Variants in TAF3 observed in about 807,000 individuals in gnomAD.
The protein encoded by TAF3 is transcription initiation factor TFIID subunit 3.
In TAF3, 7 loss-of-function variants were observed where a neutral mutation model predicts 80.6. The ratio of observed to expected loss-of-function variants is 0.09; its 90% CI spans 0.05 to 0.16. The LOEUF is 0.16. Ranked by LOEUF, TAF3 falls within the 10% of genes least tolerant of loss-of-function variation. The probability of loss-of-function intolerance (pLI) is 1.00; values close to 1 mark genes in which losing one functional copy is unlikely to be tolerated. For missense variants in TAF3, 921 were observed against 1,140.2 expected (o/e 0.81, Z 2.77); for synonymous variants, 444 against 446.1 (o/e 1.00, Z 0.06).
Position 7,824,141 on chromosome 10 carries a change from T to C in TAF3, c.167-177T>C. Among the ~76,000 whole-genome samples, 2 of 152,240 alleles carry C rather than the reference T, an allele frequency of 1.3e-5. 1 individual carries two copies. ...TGATTATATTTAAACTTGACTTTAATAATCAGCTTAAACATGATTCTGTGA... is the reference window on the plus strand; with the variant it reads ...TGATTATATTTAAACTTGACTTTAACAATCAGCTTAAACATGATTCTGTGA... On this transcript the variant is annotated intron_variant, in intron 1 of 6. Transcript: ENST00000344293.
chr10:8,013,283 A>G (rs760011789), intron 5 of TAF3, among the ~76,000 whole-genome samples: 5 of 152,220 alleles, frequency 3.3e-5, no homozygotes, highest in African/African-American at 4.8e-5. Flanking sequence ...TTGGCTGTCT[A>G]TATTAATTCC....
chr10:8,000,336 C>T (rs1324306238), intron 4 of TAF3, among the ~76,000 whole-genome samples: 3 of 152,028 alleles, frequency 2.0e-5, no homozygotes, highest in East Asian at 2.0e-4. Context: ...AGGCTGGTCT[C>T]GAACTCCCAA....
rs181239932 is a variant in TAF3 at position 7,833,633 on chromosome 10, C to T, written c.409+9073C>T. 1.4e-3 allele frequency: 227 copies of T among 168,016 alleles called. 3 individuals carry two copies. The highest frequency in any genetic ancestry group is 2.9e-3 in the Middle Eastern group (1 of 344). 10.4% of individuals were successfully genotyped at this position (168,016 alleles called of 1,614,324 possible). A position where few individuals can be genotyped will look rare whatever the true frequency, so the allele number is the denominator to read the frequency against. ...GGCTTCAGTTTTTCTTTTCAACATC[C>T]TGTTCTGTAGCTTCCATGTCTCTTT... On this transcript the variant is annotated intron_variant, in intron 2 of 6. Transcript: ENST00000344293.
intron 2 of TAF3, among the ~76,000 whole-genome samples, chr10:7,950,708 G>C (rs188601438): frequency 1.3e-5 from 2 of 152,300 alleles, no homozygotes; most frequent in African/African-American, 4.8e-5. Context: ...AAATTCAGTC[G>C]CATGCGTTGC....
chr10:7,935,147 C>T (rs997855633), intron 2 of TAF3, among the ~76,000 whole-genome samples: 10 of 152,018 alleles, frequency 6.6e-5, no homozygotes, highest in East Asian at 1.9e-4. Flanking sequence ...CGTGCTGGTG[C>T]GCGCCTGTAA....
chr10:7,861,831 G>A (rs1215228620), intron 2 of TAF3, among the ~76,000 whole-genome samples: 3 of 151,836 alleles, frequency 2.0e-5, no homozygotes, highest in Non-Finnish European at 2.9e-5. Flanking sequence ...CTTCTTTAAT[G>A]TGTATTTATG....
Position 7,821,405 on chromosome 10 carries a change from C to A in TAF3, c.166+2530C>A, listed in dbSNP as rs1201704035. 2.0e-5 allele frequency among the ~76,000 whole-genome samples: 3 copies of A among 152,244 alleles called. No individual in the cohort carries two copies. The East Asian group carries it at 5.8e-4, about 29-fold the overall frequency. ...TTACTGAGCATCACTTACGAACCAA[C>A]CCCTGTACTAGGCATTGGAGACATA... On this transcript the variant is annotated intron_variant, in intron 1 of 6. Transcript: ENST00000344293.
chr10:7,849,247 G>T (rs1837002715), intron 2 of TAF3, among the ~76,000 whole-genome samples: 1 of 152,018 alleles, frequency 6.6e-6, no homozygotes, highest in Non-Finnish European at 1.5e-5. Context: ...GAAACTGGTA[G>T]ATCTAGGATT....
chr10:7,836,889 A>G (rs997515512), intron 2 of TAF3, among the ~76,000 whole-genome samples: 24 of 152,236 alleles, frequency 1.6e-4, no homozygotes, highest in African/African-American at 5.8e-4. Context: ...GCTTACAGTT[A>G]CCAAAAATAC....
chr10:7,847,209 A>T (rs1336360367), intron 2 of TAF3, among the ~76,000 whole-genome samples: 2 of 152,230 alleles, frequency 1.3e-5, no homozygotes, highest in Non-Finnish European at 2.9e-5. Context: ...AATTATAAGA[A>T]AATTCCTCTA....
intron 4 of TAF3, among the ~76,000 whole-genome samples, chr10:7,990,190 G>A (rs781216058): frequency 2.0e-5 from 3 of 152,140 alleles, no homozygotes; most frequent in Non-Finnish European, 4.4e-5. Flanking sequence ...ATATGAATAC[G>A]TGAGTTCTGC....
chr10:7,998,895 A>T (rs759316113), intron 4 of TAF3, among the ~76,000 whole-genome samples: 1 of 152,126 alleles, frequency 6.6e-6, no homozygotes, highest in African/African-American at 2.4e-5. Context: ...AGGGCACTGG[A>T]AAAGAGTCAG....
Position 7,818,552 on chromosome 10 carries a change from C to G in TAF3, c.-158C>G, listed in dbSNP as rs1158513302. 1.4e-6 allele frequency: 1 copy of G among 711,348 alleles called. No homozygotes were observed. Among genetic ancestry groups the G allele is most frequent in the Non-Finnish European group, 2.1e-6 (1 of 475,022 alleles). The allele number at this position is 711,348 out of a possible 1,614,324, so 44.1% of individuals were successfully genotyped here. ...AAATGGCGGCTCTCAGGCTGGCGCG[C>G]TCCGTGCTGCTGGGGCTTTGAGGTG... is the stretch of plus-strand genomic sequence containing the variant. On this transcript the variant is annotated 5_prime_UTR_variant, in exon 1 of 7. Coordinates refer to ENST00000344293, the MANE Select transcript of TAF3 (RefSeq NM_031923.4).
chr10:7,820,834 G>A (rs1426158073), intron 1 of TAF3, among the ~76,000 whole-genome samples: 1 of 152,192 alleles, frequency 6.6e-6, no homozygotes, highest in East Asian at 1.9e-4. Context: ...AGTAATATGC[G>A]TGCATTTTTA....
chr10:7,940,212 A>G (rs1837964199), intron 2 of TAF3, among the ~76,000 whole-genome samples: 1 of 152,228 alleles, frequency 6.6e-6, no homozygotes, highest in Non-Finnish European at 1.5e-5. Context: ...CCACGCTGTT[A>G]GGTCAGAGGG....
intron 4 of TAF3, among the ~76,000 whole-genome samples, chr10:8,003,190 T>C (rs559656629): frequency 6.6e-6 from 1 of 152,138 alleles, no homozygotes; most frequent in Non-Finnish European, 1.5e-5. Flanking sequence ...ACTTCTTTAG[T>C]GTTCAGTGGT....
chr10:7,950,003 A>G lies in TAF3; in HGVS notation c.410-13917A>G, dbSNP rs1004165747. Among the ~76,000 whole-genome samples the G allele has an allele frequency of 4.6e-5, 7 of 152,238 alleles. No homozygotes were observed. The East Asian group carries it at 7.7e-4, about 17-fold the overall frequency. On this transcript the variant is annotated intron_variant, in intron 2 of 6. Coordinates refer to ENST00000344293, the MANE Select transcript of TAF3 (RefSeq NM_031923.4). Reference sequence around the variant, plus strand: ...TTCACATTTTAATAAATTAGAGTCAATGATACATGGTGAAATCGTTTCTCT... The same window carrying G: ...TTCACATTTTAATAAATTAGAGTCAGTGATACATGGTGAAATCGTTTCTCT...
At chr10:7,859,045 G>C (rs1201784213) in intron 2 of TAF3, among the ~76,000 whole-genome samples, 1 of 151,996 alleles carries the variant, frequency 6.6e-6, no homozygotes, top group African/African-American at 2.4e-5. Context: ...GGCAGATCAC[G>C]AGGTCAGGAG....
At chr10:7,976,256 T>C (rs80080874) in intron 3 of TAF3, among the ~76,000 whole-genome samples, 2,365 of 151,814 alleles carry the variant, frequency 0.016, 32 homozygotes, top group South Asian at 0.051. Flanking sequence ...TTTCTTTTTT[T>C]TTTTTTTTAA....
Sources: allele counts gnomAD v4.1 joint callset (sites outside exome capture counted in the v4.1 genomes callset), GRCh38; gene constraint gnomAD v4.1.1; transcripts MANE v1.5; gene names NCBI Gene and HGNC (gene_info 2026-07-23, HGNC 2026-07-21).